SOX5: variants seen among roughly 807,000 people sequenced by gnomAD.
The protein encoded by SOX5 is SRY-box transcription factor 5.
A neutral mutation model predicts 92.0 loss-of-function variants in SOX5; 9 were observed. The observed-to-expected ratio is 0.10, with a 90% CI of 0.06 to 0.17. The LOEUF (loss-of-function observed/expected upper bound fraction) is 0.17. Ranked by LOEUF, SOX5 falls within the 10% of genes least tolerant of loss-of-function variation. The pLI, the probability that SOX5 is intolerant of heterozygous loss-of-function variation, is 1.00. For missense variants in SOX5, 642 were observed against 944.5 expected (o/e 0.68, Z 4.20); for synonymous variants, 344 against 336.3 (o/e 1.02, Z -0.25).
At chr12:23,722,406 T>C (rs969298808) in intron 6 of SOX5, among the ~76,000 whole-genome samples, 8 of 152,208 alleles carry the variant, frequency 5.3e-5, no homozygotes, top group African/African-American at 9.7e-5. Flanking sequence ...TTACTATCTA[T>C]GTTAGTGGAT....
chr12:23,976,505 T>C (rs1948934509), intron 4 of SOX5, among the ~76,000 whole-genome samples: 1 of 150,870 alleles, frequency 6.6e-6, no homozygotes, highest in Non-Finnish European at 1.5e-5. Context: ...AATCCAGGGA[T>C]TGGCCTAATT....
intron 4 of SOX5, among the ~76,000 whole-genome samples, chr12:24,157,192 T>C (rs1357668221): frequency 1.3e-5 from 2 of 152,130 alleles, no homozygotes; most frequent in Admixed American, 6.6e-5. Flanking sequence ...TTCCTATACA[T>C]AGTTAAGCAT....
intron 3 of SOX5, among the ~76,000 whole-genome samples, chr12:24,270,770 A>G (rs1016303386): frequency 6.6e-6 from 1 of 152,114 alleles, no homozygotes; most frequent in Non-Finnish European, 1.5e-5. Flanking sequence ...TTCCTAAATG[A>G]TATAATTTAG....
chr12:24,179,263 A>T (rs540966574), intron 4 of SOX5, among the ~76,000 whole-genome samples: 1 of 152,216 alleles, frequency 6.6e-6, no homozygotes, highest in African/African-American at 2.4e-5. Flanking sequence ...CTTTCCATGG[A>T]AAAGGTGCCC....
intron 2 of SOX5, among the ~76,000 whole-genome samples, chr12:24,295,213 G>A (rs1028246981): frequency 7.4e-6 from 1 of 134,344 alleles, no homozygotes; most frequent in Non-Finnish European, 1.6e-5. Context: ...ACATACCAAT[G>A]GTTTCTTTTA....
intron 2 of SOX5, among the ~76,000 whole-genome samples, chr12:24,278,252 C>T (rs1329667819): frequency 6.6e-6 from 1 of 152,100 alleles, no homozygotes; most frequent in Admixed American, 6.5e-5. Flanking sequence ...CTGGAGCATG[C>T]CTCGTATAGA....
At chr12:24,082,404 G>GA (rs58736325) in intron 4 of SOX5, among the ~76,000 whole-genome samples, 3,596 of 73,180 alleles carry the variant, frequency 0.049, 280 homozygotes, top group East Asian at 0.077. Flanking sequence ...CTTTCGAAAA[G>GA]AAAAAAAAAA....
At chr12:24,433,466 G>A (rs756386420) in intron 1 of SOX5, among the ~76,000 whole-genome samples, 19 of 152,148 alleles carry the variant, frequency 1.2e-4, no homozygotes, top group Non-Finnish European at 2.5e-4. Context: ...AGTTTGTCTT[G>A]ATTTGGGCAC....
At chr12:24,480,052 G>A (rs1034010672) in intron 1 of SOX5, among the ~76,000 whole-genome samples, 3 of 152,146 alleles carry the variant, frequency 2.0e-5, no homozygotes, top group African/African-American at 7.2e-5. Context: ...CTGATTACCT[G>A]ACTTCAAGTT....
At chr12:24,532,984 C>T (rs938288190) in intron 1 of SOX5, among the ~76,000 whole-genome samples, 2 of 152,218 alleles carry the variant, frequency 1.3e-5, no homozygotes, top group African/African-American at 2.4e-5. Context: ...AATCCTTTTA[C>T]TGTACCAACT....
intron 2 of SOX5, among the ~76,000 whole-genome samples, chr12:24,296,106 T>C (rs1358760151): frequency 6.6e-6 from 1 of 152,206 alleles, no homozygotes; most frequent in Non-Finnish European, 1.5e-5. Flanking sequence ...GCTGAAAAAC[T>C]TCATAATCTT....
intron 3 of SOX5, among the ~76,000 whole-genome samples, chr12:23,812,701 T>G (rs1447909961): frequency 6.6e-6 from 1 of 152,166 alleles, no homozygotes; most frequent in East Asian, 1.9e-4. Context: ...GAATACTGAC[T>G]TAACCACCAT....
chr12:23,567,304 T>C (rs1039645462), intron 10 of SOX5, among the ~76,000 whole-genome samples: 1 of 152,114 alleles, frequency 6.6e-6, no homozygotes, highest in African/African-American at 2.4e-5. Context: ...TAGGAGAGGT[T>C]TGGTGAACCT....
chr12:24,150,705 A>T (rs1429767950), intron 4 of SOX5, among the ~76,000 whole-genome samples: 1 of 152,126 alleles, frequency 6.6e-6, no homozygotes, highest in Non-Finnish European at 1.5e-5. Flanking sequence ...AAAAGCCAAT[A>T]GAGGTAAAAA....
intron 4 of SOX5, among the ~76,000 whole-genome samples, chr12:24,080,426 T>G (rs541434067): frequency 1.8e-4 from 28 of 152,156 alleles, no homozygotes; most frequent in African/African-American, 6.5e-4. Flanking sequence ...TCTCTTAAAT[T>G]TTCCCACATT....
chr12:24,533,354 G>GT (rs1951356549), intron 1 of SOX5, among the ~76,000 whole-genome samples: 1 of 152,112 alleles, frequency 6.6e-6, no homozygotes, highest in South Asian at 2.1e-4. Context: ...CATACACAAC[G>GT]TATTTCTGAT....
At chr12:23,971,670 T>G (rs1370998754) in intron 4 of SOX5, among the ~76,000 whole-genome samples, 2 of 151,954 alleles carry the variant, frequency 1.3e-5, no homozygotes, top group Admixed American at 1.3e-4. Flanking sequence ...AAAATAATTA[T>G]TTTGAAGAGA....
chr12:24,420,572 T>A (rs1566119638), intron 1 of SOX5, among the ~76,000 whole-genome samples: 1 of 152,262 alleles, frequency 6.6e-6, no homozygotes, highest in East Asian at 1.9e-4. Context: ...TTTTGAGAAC[T>A]GGAAAAATAA....
At chr12:23,543,533 T>G (rs1009668963) in intron 12 of SOX5, 149 bp from the exon 13 acceptor site, 3 of 545,146 alleles carry the variant, frequency 5.5e-6, no homozygotes, top group Non-Finnish European at 9.5e-6. Flanking sequence ...GATGCTTGTT[T>G]ATGAAGTTTT....
Sources: allele counts gnomAD v4.1 joint callset (sites outside exome capture counted in the v4.1 genomes callset), GRCh38; gene constraint gnomAD v4.1.1; transcripts MANE v1.5; gene names NCBI Gene and HGNC (gene_info 2026-07-23, HGNC 2026-07-21).